Variants in B9D1 observed in about 807,000 individuals in gnomAD.
B9D1 encodes the protein B9 domain-containing protein 1.
B9D1 carries 20 observed loss-of-function variants against 26.1 expected under a neutral mutation model. The observed-to-expected ratio is 0.77, with a 90% CI of 0.54 to 1.12. The LOEUF (loss-of-function observed/expected upper bound fraction) is 1.12. B9D1 is among the 50% of genes most tolerant of loss of function. The pLI is 0.00. For synonymous variants in B9D1, 105 were observed against 103.1 expected, an observed-to-expected ratio of 1.02 and a Z score of -0.11; for missense variants, 260 against 273.7, an observed-to-expected ratio of 0.95 and a Z score of 0.35.
At chr17:19,374,649 C>T (rs1418445945) in intron 1 of B9D1, among the ~76,000 whole-genome samples, 1 of 152,072 alleles carries the variant, frequency 6.6e-6, no homozygotes, top group Non-Finnish European at 1.5e-5. Flanking sequence ...AAATGTCTAT[C>T]TAGGGGGTCT....
Position 19,347,327 on chromosome 17 carries a change from T to C in B9D1, c.346A>G (p.Lys116Glu), listed in dbSNP as rs777184376. Residue 116 changes from lysine (K) to glutamate (E), a missense_variant, in exon 5 of 7, where the codon AAA becomes GAA. Physicochemically the swap from Lys to Glu is moderately conservative, Grantham distance 56 (BLOSUM62 1). Coordinates refer to ENST00000261499, the MANE Select transcript of B9D1 (RefSeq NM_015681.6). The surrounding 1 kb of genome is among the most constrained non-coding windows in gnomAD (Gnocchi z 4.3). Reference sequence around the variant, plus strand: ...GGGACAAACATGGGGATGGTCCTTTTGTGCCTGAAACAAATGTTTTTGCAG... The same window carrying C: ...GGGACAAACATGGGGATGGTCCTTTCGTGCCTGAAACAAATGTTTTTGCAG... ...VHVPFSPGRHKRTIPMFVPES... is the reference protein window; with the variant it reads ...VHVPFSPGRHERTIPMFVPES... 6.2e-7 allele frequency: 1 copy of C among 1,614,226 alleles called. No homozygotes were observed. Among genetic ancestry groups the C allele is most frequent in the Non-Finnish European group, 8.5e-7 (1 of 1,180,044 alleles).
intron 3 of B9D1, among the ~76,000 whole-genome samples, chr17:19,355,998 G>A (rs1910293201): frequency 6.6e-6 from 1 of 152,020 alleles, no homozygotes; most frequent in South Asian, 2.1e-4. Context: ...TGTTGTCTTG[G>A]TTCTTGTGTG....
chr17:19,358,542 C>T (rs1021209829), intron 2 of B9D1, among the ~76,000 whole-genome samples: 4 of 152,204 alleles, frequency 2.6e-5, no homozygotes, highest in Non-Finnish European at 5.9e-5. Context: ...ATTGCTAGAT[C>T]CAATGGTCAT....
At chr17:19,366,230 C>T (rs541128867), upstream of B9D1, among the ~76,000 whole-genome samples, 3 of 151,928 alleles carry the variant, frequency 2.0e-5, no homozygotes, top group African/African-American at 4.8e-5. Context: ...CCCTGGTCAT[C>T]GGGGTCCACC....
Position 19,347,950 on chromosome 17 carries a change from C to T in B9D1, c.245-70G>A, listed in dbSNP as rs991049495. 26 of 1,359,594 alleles carry T rather than the reference C, an allele frequency of 1.9e-5. No homozygotes were observed. Among genetic ancestry groups the T allele is most frequent in the African/African-American group, 2.9e-5 (2 of 69,988 alleles). 84.2% of individuals were successfully genotyped at this position (1,359,594 alleles called of 1,614,324 possible). A position where few individuals can be genotyped will look rare whatever the true frequency, so the allele number is the denominator to read the frequency against. ...GGGAGGTGCAGGGCAGAGAACAGGG[C>T]GTGTCCAGCTGAGGGTGCTCAAAGG... is the stretch of plus-strand genomic sequence containing the variant. On this transcript the variant is annotated intron_variant, in intron 3 of 6. Coordinates refer to ENST00000261499, the MANE Select transcript of B9D1 (RefSeq NM_015681.6). The surrounding 1 kb of genome is among the most constrained non-coding windows in gnomAD (Gnocchi z 4.3).
intron 3 of B9D1, among the ~76,000 whole-genome samples, chr17:19,354,054 C>A (rs188021910): frequency 5.9e-5 from 9 of 152,192 alleles, no homozygotes; most frequent in Non-Finnish European, 1.2e-4. Context: ...TTTTTATTAT[C>A]ATTCAATTCA....
intron 1 of B9D1, among the ~76,000 whole-genome samples, chr17:19,362,144 C>T (rs1474661718): frequency 6.6e-6 from 1 of 152,172 alleles, no homozygotes; most frequent in African/African-American, 2.4e-5. Flanking sequence ...TAACTCCACA[C>T]GGGACACAGC....
chr17:19,355,758 C>T (rs1567898093), intron 3 of B9D1, among the ~76,000 whole-genome samples: 1 of 152,000 alleles, frequency 6.6e-6, no homozygotes, highest in African/African-American at 2.4e-5. Flanking sequence ...GGCATGAACC[C>T]AGGAGGCAGA....
At chr17:19,375,583 A>G (rs1480337150) in intron 1 of B9D1, among the ~76,000 whole-genome samples, 2 of 152,186 alleles carry the variant, frequency 1.3e-5, no homozygotes, top group Non-Finnish European at 2.9e-5. Context: ...CTCTAATAAA[A>G]ATATAAAAAT....
chr17:19,340,812 GAGTT>G (rs1907889923), downstream of B9D1: 1 of 125,314 alleles, frequency 8.0e-6, no homozygotes, highest in Non-Finnish European at 1.7e-5. Context: ...AAAAAAAAAA[GAGTT>G]ACGCATTTTG....
upstream of B9D1, among the ~76,000 whole-genome samples, chr17:19,366,358 G>A (rs1266217652): frequency 6.6e-6 from 1 of 151,978 alleles, no homozygotes; most frequent in Non-Finnish European, 1.5e-5. Context: ...CTGGGTCCTG[G>A]GGCAGGGGAC....
intron 1 of B9D1, among the ~76,000 whole-genome samples, chr17:19,374,947 T>C (rs1052863502): frequency 5.9e-5 from 9 of 152,200 alleles, no homozygotes; most frequent in Admixed American, 5.9e-4. Context: ...GTTTAGAATA[T>C]ATAAAGAACT....
chr17:19,344,267 C>T (rs1256297468), intron 5 of B9D1, among the ~76,000 whole-genome samples: 1 of 152,190 alleles, frequency 6.6e-6, no homozygotes, highest in Admixed American at 6.5e-5. Context: ...GACCCTCCAG[C>T]CTCCCTGGAA....
At chr17:19,354,791 G>T (rs1309547528) in intron 3 of B9D1, among the ~76,000 whole-genome samples, 1 of 152,172 alleles carries the variant, frequency 6.6e-6, no homozygotes, top group Non-Finnish European at 1.5e-5. Flanking sequence ...TCGCGCCACT[G>T]CACTACAGCC....
chr17:19,375,159 G>A (rs572625625), intron 1 of B9D1, among the ~76,000 whole-genome samples: 42 of 152,186 alleles, frequency 2.8e-4, no homozygotes, highest in African/African-American at 9.9e-4. Context: ...GTGCAATGAT[G>A]TGTGCCTGTA....
At chr17:19,351,762 T>A (rs972833020) in intron 3 of B9D1, among the ~76,000 whole-genome samples, 3 of 152,238 alleles carry the variant, frequency 2.0e-5, no homozygotes, top group Non-Finnish European at 4.4e-5. Context: ...TTTCTAGGAA[T>A]CTGACCATTT....
At chr17:19,355,260 G>C (rs1910175378) in intron 3 of B9D1, among the ~76,000 whole-genome samples, 1 of 152,170 alleles carries the variant, frequency 6.6e-6, no homozygotes, top group Non-Finnish European at 1.5e-5. Context: ...CAGGCATGGG[G>C]CTCAAGCCTG....
At chr17:19,338,394 T>C (rs988599441), downstream of B9D1, among the ~76,000 whole-genome samples, 2 of 152,258 alleles carry the variant, frequency 1.3e-5, no homozygotes, top group African/African-American at 4.8e-5. Context: ...GGACCTGTTT[T>C]GAGTGAGCCA....
chr17:19,361,332 C>T (rs1484732144), intron 1 of B9D1, among the ~76,000 whole-genome samples: 2 of 152,122 alleles, frequency 1.3e-5, no homozygotes, highest in Admixed American at 1.3e-4. Context: ...AAAACCAGTC[C>T]CTGGTGCCAA....
Sources: allele counts gnomAD v4.1 joint callset (sites outside exome capture counted in the v4.1 genomes callset), GRCh38; gene constraint gnomAD v4.1.1; non-coding constraint Gnocchi (gnomAD v3.1); transcripts MANE v1.5; gene names NCBI Gene and HGNC (gene_info 2026-07-23, HGNC 2026-07-21).